The following ADRA1B variants were observed in gnomAD, a reference collection of about 807,000 sequenced individuals.
ADRA1B encodes the protein adrenoceptor alpha 1B, also known as alpha-1B adrenergic receptor.
ADRA1B carries 17 observed loss-of-function variants against 17.9 expected under a neutral mutation model. The observed-to-expected ratio is 0.95, with a 90% CI of 0.65 to 1.42. ADRA1B has a LOEUF of 1.42. ADRA1B is among the 40% of genes most tolerant of loss of function. ADRA1B has a pLI of 0.00. For synonymous variants in ADRA1B, 366 were observed against 327.6 expected, an observed-to-expected ratio of 1.12 and a Z score of -1.27; for missense variants, 681 against 722.1, an observed-to-expected ratio of 0.94 and a Z score of 0.65.
intron 1 of ADRA1B, among the ~76,000 whole-genome samples, chr5:159,890,521 G>C (rs888706411): frequency 3.9e-5 from 6 of 152,152 alleles, no homozygotes; most frequent in Admixed American, 2.6e-4. Flanking sequence ...CAATGTTCAG[G>C]CATCTCAGTA....
chr5:159,878,133 G>A (rs187519786), intron 1 of ADRA1B, among the ~76,000 whole-genome samples: 5 of 152,350 alleles, frequency 3.3e-5, no homozygotes, highest in African/African-American at 9.6e-5. Context: ...AGGCAGCTCC[G>A]ACAGTCCGGG....
chr5:159,917,183 T>C lies in ADRA1B; in HGVS notation c.278T>C (p.Leu93Pro). Residue 93 changes from leucine to proline, a missense_variant, in exon 1 of 2, where the codon CTG (leucine) becomes CCG (proline). By Grantham distance (98) the Leu-to-Pro change is moderately conservative. Coordinates refer to ENST00000306675, the MANE Select transcript of ADRA1B (RefSeq NM_000679.4). ...GTCAACCTGGCCATGGCCGACCTGC[T>C]GTTGAGCTTCACCGTCCTGCCCTTC... is the stretch of plus-strand genomic sequence containing the variant. ...FIVNLAMADL[L>P]LSFTVLPFSA... The C allele has an allele frequency of 3.1e-6, 5 of 1,614,166 alleles. No individual in the cohort carries two copies. The highest frequency in any genetic ancestry group is 4.2e-6 in the Non-Finnish European group (5 of 1,180,028).
At chr5:159,906,013 C>A in intron 1 of ADRA1B, among the ~76,000 whole-genome samples, 1 of 152,098 alleles carries the variant, frequency 6.6e-6, no homozygotes. Context: ...CAGCACCACA[C>A]CAGGCTAATT....
At chr5:159,985,642 A>G in the ADRA1B span, among the ~76,000 whole-genome samples, 2 of 152,230 alleles carry the variant, frequency 1.3e-5, no homozygotes, top group Admixed American at 1.3e-4. Flanking sequence ...ACTACACATC[A>G]GGGCTCCTTT....
At chr5:159,910,716 T>C (rs1477631559) in intron 1 of ADRA1B, among the ~76,000 whole-genome samples, 1 of 152,122 alleles carries the variant, frequency 6.6e-6, no homozygotes, top group Non-Finnish European at 1.5e-5. Flanking sequence ...CTAGGCTGGA[T>C]TTGATCGATT....
chr5:159,875,042 G>A (rs998514259), intron 1 of ADRA1B, among the ~76,000 whole-genome samples: 12 of 152,112 alleles, frequency 7.9e-5, no homozygotes, highest in Non-Finnish European at 1.5e-4. Flanking sequence ...CTGGGAAATT[G>A]CATCAAAACT....
At chr5:159,914,783 A>G (rs1410783190), upstream of ADRA1B, among the ~76,000 whole-genome samples, 1 of 152,162 alleles carries the variant, frequency 6.6e-6, no homozygotes, top group Non-Finnish European at 1.5e-5. Flanking sequence ...TGTTTTCCCC[A>G]CCCGTGAATA....
intron 1 of ADRA1B, among the ~76,000 whole-genome samples, chr5:159,925,726 C>A (rs988652212): frequency 5.3e-5 from 8 of 152,206 alleles, no homozygotes; most frequent in African/African-American, 1.9e-4. Flanking sequence ...TTCAACAGAA[C>A]CCACACAAAA....
chr5:159,903,215 T>C (rs1457695446), intron 1 of ADRA1B, among the ~76,000 whole-genome samples: 1 of 152,078 alleles, frequency 6.6e-6, no homozygotes, highest in African/African-American at 2.4e-5. Flanking sequence ...CCCCAAATGT[T>C]CAAACAGGCA....
At chr5:159,901,824 G>A (rs1340515282) in intron 1 of ADRA1B, among the ~76,000 whole-genome samples, 1 of 151,916 alleles carries the variant, frequency 6.6e-6, no homozygotes, top group Admixed American at 6.5e-5. Context: ...CACCCATTAG[G>A]ATGGTCACTA....
chr5:159,897,591 C>T (rs976129561), intron 1 of ADRA1B, among the ~76,000 whole-genome samples: 2 of 152,148 alleles, frequency 1.3e-5, no homozygotes, highest in African/African-American at 4.8e-5. Context: ...CAATGGCTTT[C>T]CAAGGTTCCT....
intron 1 of ADRA1B, among the ~76,000 whole-genome samples, chr5:159,933,151 A>C (rs2113205535): frequency 6.6e-6 from 1 of 152,346 alleles, no homozygotes; most frequent in Non-Finnish European, 1.5e-5. Context: ...TGCCAACTTA[A>C]CAGGTGGAAT....
In ADRA1B at chr5:159,952,543, A is replaced by T. The variant is rs75464736; in HGVS notation, c.950-19336A>T. On this transcript the variant is annotated intron_variant, in intron 1 of 1. Transcript: ENST00000306675. The stretch of plus-strand genomic sequence containing the variant: ...TTAAAACAGCAGCACATGGGAGAGC[A>T]GGAGCTCATGGGTTGTACTGAGATA... Among the ~76,000 whole-genome samples, 1,479 of 152,336 alleles carry T rather than the reference A, an allele frequency of 9.7e-3. 22 individuals carry two copies. Among genetic ancestry groups the T allele is most frequent in the African/African-American group, 0.034 (1,407 of 41,572 alleles).
chr5:159,932,885 G>A (rs939738736), intron 1 of ADRA1B, among the ~76,000 whole-genome samples: 3 of 151,944 alleles, frequency 2.0e-5, no homozygotes, highest in Non-Finnish European at 2.9e-5. Context: ...TTTTCAGATA[G>A]ATCTCCATGG....
intron 1 of ADRA1B, among the ~76,000 whole-genome samples, chr5:159,867,578 T>C (rs1180144419): frequency 6.6e-6 from 1 of 152,220 alleles, no homozygotes; most frequent in Non-Finnish European, 1.5e-5. Flanking sequence ...GTAAGTATTT[T>C]ACAGCAAGTG....
At chr5:159,873,256 A>G (rs141212493) in intron 1 of ADRA1B, among the ~76,000 whole-genome samples, 2,279 of 152,280 alleles carry the variant, frequency 0.015, 64 homozygotes, top group African/African-American at 0.053. Context: ...GTGTCTTTAC[A>G]GCAGAATGAT....
intron 1 of ADRA1B, among the ~76,000 whole-genome samples, chr5:159,933,055 G>A (rs1320103204): frequency 6.6e-6 from 1 of 152,126 alleles, no homozygotes; most frequent in Non-Finnish European, 1.5e-5. Context: ...GTCTTATGTA[G>A]AGATTATATC....
chr5:159,934,354 C>T (rs62377690), intron 1 of ADRA1B, among the ~76,000 whole-genome samples: 22,003 of 152,144 alleles, frequency 0.14, 2,025 homozygotes, highest in Admixed American at 0.2. Flanking sequence ...CCAAGTGATT[C>T]CCAGAATCTG....
At chr5:159,887,001 T>C (rs1457685995) in intron 1 of ADRA1B, among the ~76,000 whole-genome samples, 5 of 152,194 alleles carry the variant, frequency 3.3e-5, no homozygotes, top group Non-Finnish European at 7.3e-5. Context: ...ATGATGATCA[T>C]GATCATGATG....
Sources: gnomAD v4.1 joint callset for allele counts (sites outside exome capture counted in the v4.1 genomes callset) on GRCh38, gnomAD v4.1.1 for gene constraint, MANE v1.5 for transcripts, NCBI Gene and HGNC (gene_info 2026-07-23, HGNC 2026-07-21) for gene names.